The following GALNT13 variants were observed in gnomAD, a reference collection of about 807,000 sequenced individuals.
GALNT13 encodes the protein polypeptide N-acetylgalactosaminyltransferase 13, also known as UDP-GalNAc:polypeptide N-acetylgalactosaminyltransferase 13.
GALNT13 carries 28 observed loss-of-function variants against 64.2 expected under a neutral mutation model. The ratio of observed to expected loss-of-function variants is 0.44; its 90% confidence interval spans 0.32 to 0.60. GALNT13 has a LOEUF of 0.60. GALNT13 is among the 20% of genes least tolerant of loss of function. The probability of loss-of-function intolerance (pLI) is 0.05; values close to 1 mark genes in which losing one functional copy is unlikely to be tolerated. For synonymous variants in GALNT13, 214 were observed against 224.6 expected (o/e 0.95, Z 0.42); for missense variants, 577 against 669.8 (o/e 0.86, Z 1.53).
chr2:154,171,394 T>C (rs1006076826), intron 4 of GALNT13, among the ~76,000 whole-genome samples: 2 of 152,174 alleles, frequency 1.3e-5, no homozygotes, highest in Non-Finnish European at 2.9e-5. Context: ...AAGCATGCTA[T>C]AAATTTGTGT....
the GALNT13 span, among the ~76,000 whole-genome samples, chr2:153,496,759 G>A: frequency 1.3e-5 from 2 of 152,024 alleles, no homozygotes; most frequent in East Asian, 3.9e-4. Flanking sequence ...TTCAAGGTGG[G>A]TGGATCATCT....
intron 4 of GALNT13, among the ~76,000 whole-genome samples, chr2:154,152,625 C>G (rs1264951400): frequency 6.6e-6 from 1 of 152,074 alleles, no homozygotes. Flanking sequence ...AGGCTTTGTT[C>G]ATTTCTTTTT....
intron 3 of GALNT13, among the ~76,000 whole-genome samples, chr2:154,061,796 A>C (rs1391666748): frequency 6.6e-6 from 1 of 152,076 alleles, no homozygotes; most frequent in Admixed American, 6.5e-5. Flanking sequence ...GAGAGTTTTC[A>C]TTAGGAGAAA....
the GALNT13 span, among the ~76,000 whole-genome samples, chr2:153,583,875 C>A: frequency 6.6e-6 from 1 of 152,262 alleles, no homozygotes; most frequent in Non-Finnish European, 1.5e-5. Context: ...TAGCCTGGGA[C>A]CCAGCTGCTG....
At chr2:153,335,841 G>T in the GALNT13 span, among the ~76,000 whole-genome samples, 1 of 152,160 alleles carries the variant, frequency 6.6e-6, no homozygotes, top group Admixed American at 6.5e-5. Flanking sequence ...TCCCATCACG[G>T]ACCTGGAGGC....
the GALNT13 span, among the ~76,000 whole-genome samples, chr2:153,071,994 G>A: frequency 3.3e-5 from 5 of 152,074 alleles, no homozygotes; most frequent in Admixed American, 3.3e-4. Context: ...GCTCGTCTCT[G>A]TTTCCTTCAC....
the GALNT13 span, among the ~76,000 whole-genome samples, chr2:153,427,761 A>G: frequency 6.6e-6 from 1 of 152,154 alleles, no homozygotes. Flanking sequence ...AGCACTTCCT[A>G]CTTCTAGCTT....
At chr2:153,814,451 A>G in the GALNT13 span, among the ~76,000 whole-genome samples, 1 of 69,118 alleles carries the variant, frequency 1.4e-5, no homozygotes, top group African/African-American at 4.7e-5. Context: ...ATAAATAAAT[A>G]AGTAAGTAAG....
the GALNT13 span, among the ~76,000 whole-genome samples, chr2:153,825,489 G>T: frequency 6.6e-6 from 1 of 152,136 alleles, no homozygotes. Context: ...TTAGCGCAGT[G>T]CAAAATTATA....
the GALNT13 span, among the ~76,000 whole-genome samples, chr2:153,413,045 T>C: frequency 6.6e-6 from 1 of 152,088 alleles, no homozygotes. Context: ...GCAGCATCTA[T>C]AGACAGTTAA....
chr2:153,883,079 A>T (rs953846631), intron 1 of GALNT13, among the ~76,000 whole-genome samples: 63 of 87,670 alleles, frequency 7.2e-4, no homozygotes, highest in African/African-American at 3.4e-3. Context: ...TATGTATATT[A>T]TATATATATA....
chr2:153,147,059 T>C, the GALNT13 span, among the ~76,000 whole-genome samples: 1 of 151,842 alleles, frequency 6.6e-6, no homozygotes, highest in African/African-American at 2.4e-5. Context: ...GTTAGTAGTA[T>C]CTCATTTTAT....
At chr2:153,150,273 T>G in the GALNT13 span, among the ~76,000 whole-genome samples, 11 of 152,090 alleles carry the variant, frequency 7.2e-5, no homozygotes, top group Non-Finnish European at 1.3e-4. Flanking sequence ...ATGTCCTCTT[T>G]TGAGAAGTGT....
the GALNT13 span, among the ~76,000 whole-genome samples, chr2:153,433,831 A>G: frequency 6.6e-6 from 1 of 151,866 alleles, no homozygotes; most frequent in South Asian, 2.1e-4. Flanking sequence ...CTTTTTTTTA[A>G]TTTTATTATT....
the GALNT13 span, among the ~76,000 whole-genome samples, chr2:153,829,780 T>G: frequency 1.2e-4 from 19 of 152,216 alleles, no homozygotes; most frequent in Non-Finnish European, 1.6e-4. Flanking sequence ...AAAATTAATA[T>G]TTTGCAAATT....
At chr2:154,035,591 A>G (rs919817206) in intron 3 of GALNT13, among the ~76,000 whole-genome samples, 2 of 152,080 alleles carry the variant, frequency 1.3e-5, no homozygotes, top group Non-Finnish European at 2.9e-5. Flanking sequence ...TAATTTTTAA[A>G]TACACTTAAA....
chr2:153,392,775 G>T, the GALNT13 span, among the ~76,000 whole-genome samples: 13 of 151,932 alleles, frequency 8.6e-5, no homozygotes, highest in African/African-American at 2.9e-4. Context: ...GCTGAGTATT[G>T]ATGTCCCCCC....
chr2:153,725,762 G>A, the GALNT13 span, among the ~76,000 whole-genome samples: 4 of 133,986 alleles, frequency 3.0e-5, no homozygotes, highest in Admixed American at 7.0e-5. Context: ...ACTTTAATTG[G>A]CATTCCTAAT....
chr2:153,157,112 G>A, the GALNT13 span, among the ~76,000 whole-genome samples: 1 of 152,278 alleles, frequency 6.6e-6, no homozygotes, highest in East Asian at 1.9e-4. Flanking sequence ...CTGTTTCTAT[G>A]AAAACTCAAC....
Sources: gnomAD v4.1 joint callset for allele counts (sites outside exome capture counted in the v4.1 genomes callset) on GRCh38, gnomAD v4.1.1 for gene constraint, MANE v1.5 for transcripts, NCBI Gene and HGNC (gene_info 2026-07-23, HGNC 2026-07-21) for gene names.